Variants in RARB observed in about 807,000 individuals in gnomAD.
RARB encodes the protein HBV-activated protein.
Under a neutral mutation model 51.9 loss-of-function variants are expected in RARB, and 17 were observed. The ratio of observed to expected loss-of-function variants is 0.33; its 90% CI spans 0.22 to 0.49. The LOEUF (loss-of-function observed/expected upper bound fraction) is 0.49, where lower values mean the gene tolerates loss of function less well. Ranked by LOEUF, RARB falls within the 20% of genes least tolerant of loss-of-function variation. The pLI is 0.99. For synonymous variants in RARB, 215 were observed against 195.4 expected (o/e 1.10, Z -0.84); for missense variants, 369 against 550.8 (o/e 0.67, Z 3.30).
intron 2 of RARB, among the ~76,000 whole-genome samples, chr3:25,048,562 A>G (rs960537601): frequency 6.6e-6 from 1 of 152,058 alleles, no homozygotes; most frequent in Non-Finnish European, 1.5e-5. Context: ...TTGTGTCTAC[A>G]TTTCTGGGAC....
intron 1 of RARB, among the ~76,000 whole-genome samples, chr3:25,456,603 T>A (rs1694921746): frequency 7.4e-6 from 1 of 134,832 alleles, no homozygotes; most frequent in African/African-American, 2.8e-5. Context: ...CTCAGTGTTA[T>A]AGGCCACATA....
chr3:24,957,798 G>T (rs545882910), intron 2 of RARB, among the ~76,000 whole-genome samples: 1 of 152,120 alleles, frequency 6.6e-6, no homozygotes, highest in African/African-American at 2.4e-5. Flanking sequence ...GTTAGATCCC[G>T]TTAGAAAAGA....
At chr3:25,463,234 G>A (rs996351633) in intron 2 of RARB, among the ~76,000 whole-genome samples, 6 of 152,088 alleles carry the variant, frequency 3.9e-5, no homozygotes, top group East Asian at 1.9e-4. Context: ...TGGAGGGGCC[G>A]GGGGAATGGG....
rs138662148 is a variant in RARB, at chr3:25,510,010, G to T, written c.448+8687G>T. On this transcript the variant is annotated intron_variant, in intron 3 of 7. Transcript: ENST00000330688. The stretch of plus-strand genomic sequence containing the variant: ...GCTTTTGCTGTTAGCCACCTGAGAG[G>T]AAAGCTGGGGAGGATATCAGTGGTG... 7.9e-5 allele frequency among the ~76,000 whole-genome samples: 12 copies of T among 152,318 alleles called. No homozygotes were observed. In the East Asian group the frequency reaches 1.5e-3, roughly 20 times the overall value.
At chr3:25,409,992 T>C (rs1170610310) in intron 5 of RARB, among the ~76,000 whole-genome samples, 1 of 152,234 alleles carries the variant, frequency 6.6e-6, no homozygotes. Flanking sequence ...CTCATTGCTT[T>C]AGATCTTGAC....
chr3:25,108,883 C>T (rs1344397205), intron 3 of RARB, among the ~76,000 whole-genome samples: 1 of 152,064 alleles, frequency 6.6e-6, no homozygotes, highest in African/African-American at 2.4e-5. Flanking sequence ...TTCTGTATCT[C>T]CTTATGTAAA....
intron 1 of RARB, among the ~76,000 whole-genome samples, chr3:25,456,824 G>A (rs1353642548): frequency 2.7e-5 from 4 of 150,750 alleles, no homozygotes; most frequent in South Asian, 2.1e-4. Context: ...GGCATTTGTA[G>A]CATTCAAATT....
intron 5 of RARB, among the ~76,000 whole-genome samples, chr3:25,272,648 T>C (rs1703282309): frequency 6.6e-6 from 1 of 152,256 alleles, no homozygotes; most frequent in Non-Finnish European, 1.5e-5. Flanking sequence ...GAGCAATTTC[T>C]TCAGATATTC....
chr3:25,562,765 C>T (rs1372060525), intron 3 of RARB, among the ~76,000 whole-genome samples: 1 of 152,152 alleles, frequency 6.6e-6, no homozygotes, highest in African/African-American at 2.4e-5. Context: ...AAAATGAATG[C>T]GACCACAGTA....
intron 5 of RARB, among the ~76,000 whole-genome samples, chr3:25,207,408 TG>T (rs748633872): frequency 6.6e-5 from 10 of 152,232 alleles, no homozygotes; most frequent in Non-Finnish European, 1.5e-4. Context: ...GTTTGGGACA[TG>T]TAGTCACATC....
chr3:25,354,802 AG>A (rs11306490), intron 5 of RARB, among the ~76,000 whole-genome samples: 152,264 of 152,264 alleles, frequency 1, 76,132 homozygotes, highest in Non-Finnish European at 1. Context: ...CAATTGTTGA[AG>A]GGGTCCTCCC....
At chr3:25,462,765 G>C (rs937011574) in intron 2 of RARB, among the ~76,000 whole-genome samples, 1 of 152,194 alleles carries the variant, frequency 6.6e-6, no homozygotes, top group African/African-American at 2.4e-5. Context: ...GCTTCTAGGG[G>C]TGCTGACTGT....
intron 1 of RARB, among the ~76,000 whole-genome samples, chr3:25,440,457 A>T (rs1708618451): frequency 6.6e-6 from 1 of 151,756 alleles, no homozygotes; most frequent in Non-Finnish European, 1.5e-5. Context: ...AAAAATAAAA[A>T]AAAAAAAAGA....
Position 24,877,119 on chromosome 3 carries a change from G to A in RARB, c.-380+18367G>A, listed in dbSNP as rs189517552. 2.7e-4 allele frequency among the ~76,000 whole-genome samples: 41 copies of A among 152,112 alleles called. No individual in the cohort carries two copies. The East Asian group carries it at 6.8e-3, about 25-fold the overall frequency. On this transcript the variant is annotated intron_variant, in intron 2 of 11. Coordinates refer to the RARB transcript ENST00000383772. ...GGAAGATTATTTAGTTTAATGGTTA[G>A]ATGCACAATGTAAAAGTAATATATC... is the stretch of plus-strand genomic sequence containing the variant.
chr3:25,504,374 A>G (rs1697464609), intron 3 of RARB, among the ~76,000 whole-genome samples: 1 of 152,218 alleles, frequency 6.6e-6, no homozygotes, highest in Admixed American at 6.5e-5. Context: ...AAGCCTAGGG[A>G]CAGATTCTCA....
intron 3 of RARB, among the ~76,000 whole-genome samples, chr3:25,118,239 T>C (rs1192688442): frequency 6.6e-6 from 1 of 152,142 alleles, no homozygotes; most frequent in Non-Finnish European, 1.5e-5. Context: ...TTCCCCAATA[T>C]GGACCAGTAC....
intron 2 of RARB, among the ~76,000 whole-genome samples, chr3:25,047,138 A>C (rs2125297763): frequency 6.6e-6 from 1 of 152,308 alleles, no homozygotes; most frequent in Non-Finnish European, 1.5e-5. Context: ...ATTTGTCTTG[A>C]GCTTTACAGA....
intron 2 of RARB, among the ~76,000 whole-genome samples, chr3:24,969,403 G>GCTGT (rs1246474797): frequency 3.9e-5 from 6 of 152,076 alleles, no homozygotes; most frequent in Non-Finnish European, 8.8e-5. Context: ...TTAAATAATA[G>GCTGT]TAATGATGTC....
rs544213117 is a variant in RARB, at chr3:25,467,998, G to A, written c.306+6657G>A. ...GTATTCTATTTCACAGGGGTCAAGG[G>A]GGCCTGATGTGATGGGGGTCAGGTG... is the stretch of plus-strand genomic sequence containing the variant. On this transcript the variant is annotated intron_variant, in intron 2 of 7. Coordinates refer to ENST00000330688, the MANE Select transcript of RARB (RefSeq NM_000965.5). Among the ~76,000 whole-genome samples the A allele has an allele frequency of 2.6e-4, 40 of 152,214 alleles. 1 individual carries two copies. The South Asian group carries it at 7.5e-3, about 28-fold the overall frequency.
Sources: gnomAD v4.1 joint callset for allele counts (sites outside exome capture counted in the v4.1 genomes callset) on GRCh38, gnomAD v4.1.1 for gene constraint, MANE v1.5 for transcripts, NCBI Gene and HGNC (gene_info 2026-07-23, HGNC 2026-07-21) for gene names.